The following TANGO6 variants were observed in gnomAD, a reference collection of about 807,000 sequenced individuals.
The protein encoded by TANGO6 is transport and golgi organization 6 homolog, also known as transport and Golgi organization protein 6 homolog.
A neutral mutation model predicts 114.2 loss-of-function variants in TANGO6; 90 were observed. That is an observed-to-expected ratio of 0.79 (90% CI 0.66 to 0.94). The LOEUF (loss-of-function observed/expected upper bound fraction) is 0.94. Among genes scored for constraint, TANGO6 ranks in the 40% least tolerant of loss-of-function variants. The probability of loss-of-function intolerance (pLI) is 0.00; values close to 1 mark genes in which losing one functional copy is unlikely to be tolerated. For missense variants in TANGO6, 1,274 were observed against 1,315.3 expected, an observed-to-expected ratio of 0.97 and a Z score of 0.49; for synonymous variants, 477 against 509.8, an observed-to-expected ratio of 0.94 and a Z score of 0.87.
Position 68,857,543 on chromosome 16 carries a change from C to A in TANGO6, c.95-2341C>A, listed in dbSNP as rs905897541. 4.6e-5 allele frequency among the ~76,000 whole-genome samples: 7 copies of A among 151,980 alleles called. No individual in the cohort carries two copies. In the South Asian group the frequency reaches 1.5e-3, roughly 32 times the overall value. ...AGTTTTCAACTCATTTGGATAAATACCCAGGAGCACAATTGCTGGATCGTA... is the reference window on the plus strand; with the variant it reads ...AGTTTTCAACTCATTTGGATAAATAACCAGGAGCACAATTGCTGGATCGTA... On this transcript the variant is annotated intron_variant, in intron 1 of 17. Coordinates refer to ENST00000261778, the MANE Select transcript of TANGO6 (RefSeq NM_024562.2).
At chr16:69,040,262 G>T (rs1378806162) in intron 16 of TANGO6, 46 bp from the exon 17 acceptor site, 4 of 1,494,676 alleles carry the variant, frequency 2.7e-6, no homozygotes, top group African/African-American at 2.8e-5. Flanking sequence ...ATAGGTAATT[G>T]TGCAACTCTG....
chr16:69,048,106 A>G (rs1444626903), intron 17 of TANGO6, among the ~76,000 whole-genome samples: 2 of 151,970 alleles, frequency 1.3e-5, no homozygotes. Flanking sequence ...TTTATAAGAC[A>G]GAGTCTTGCT....
chr16:68,843,800 C>A (rs16958412), intron 1 of TANGO6, 89 bp downstream of exon 1: 4 of 1,296,152 alleles, frequency 3.1e-6, no homozygotes, highest in Non-Finnish European at 1.1e-6. Flanking sequence ...GCAGCGTGCG[C>A]CCCTTAGGCC....
intron 11 of TANGO6, among the ~76,000 whole-genome samples, chr16:68,914,353 T>G (rs8056017): frequency 0.2 from 29,842 of 151,870 alleles, 3,320 homozygotes; most frequent in African/African-American, 0.31. Flanking sequence ...GTAGAGATGG[T>G]GTTTCTCCAT....
intron 16 of TANGO6, among the ~76,000 whole-genome samples, chr16:69,031,954 C>T (rs535435452): frequency 2.6e-5 from 4 of 151,866 alleles, no homozygotes; most frequent in East Asian, 2.0e-4. Flanking sequence ...TGAGTCACTC[C>T]GCCCAGCTGA....
chr16:69,027,782 A>ATTT (rs34656903), intron 16 of TANGO6, among the ~76,000 whole-genome samples: 2 of 139,826 alleles, frequency 1.4e-5, no homozygotes, highest in Non-Finnish European at 3.1e-5. Flanking sequence ...ACCAAACCCA[A>ATTT]TTTTTTTTTT....
At chr16:68,972,474 T>C (rs1250989761) in intron 14 of TANGO6, among the ~76,000 whole-genome samples, 1 of 152,212 alleles carries the variant, frequency 6.6e-6, no homozygotes, top group East Asian at 1.9e-4. Flanking sequence ...TATAGATTTC[T>C]CAAGCATTTA....
intron 11 of TANGO6, among the ~76,000 whole-genome samples, chr16:68,911,666 C>T (rs1431772257): frequency 6.6e-6 from 1 of 152,086 alleles, no homozygotes; most frequent in Non-Finnish European, 1.5e-5. Flanking sequence ...ATCCACCTGT[C>T]TCGGCCCAAA....
chr16:69,063,789 T>TCTG (rs1555530159), intron 17 of TANGO6, among the ~76,000 whole-genome samples: 1 of 114,768 alleles, frequency 8.7e-6, no homozygotes, highest in Non-Finnish European at 1.7e-5. Context: ...CTTTTCTTCT[T>TCTG]CTTCTTCTTC....
intron 7 of TANGO6, among the ~76,000 whole-genome samples, chr16:68,896,262 C>T (rs1962702629): frequency 1.3e-5 from 2 of 152,146 alleles, no homozygotes; most frequent in African/African-American, 4.8e-5. Context: ...CCTCCTGAGC[C>T]TCCCAAAGTG....
intron 14 of TANGO6, among the ~76,000 whole-genome samples, chr16:68,960,297 C>CT (rs201075757): frequency 0.029 from 3,898 of 134,712 alleles, 203 homozygotes; most frequent in African/African-American, 0.098. Flanking sequence ...ATTAGGGCAG[C>CT]TTTTTTTTTT....
At chr16:68,901,100 C>T (rs1034873735) in intron 8 of TANGO6, among the ~76,000 whole-genome samples, 2 of 152,152 alleles carry the variant, frequency 1.3e-5, no homozygotes, top group Non-Finnish European at 2.9e-5. Flanking sequence ...GTTGTTTCTT[C>T]CTCCAGGTAA....
At chr16:68,943,610 C>T (rs1012085734) in intron 14 of TANGO6, among the ~76,000 whole-genome samples, 2 of 152,030 alleles carry the variant, frequency 1.3e-5, no homozygotes, top group Non-Finnish European at 1.5e-5. Context: ...CGTGATCTGC[C>T]CTCCTTGGCC....
chr16:69,076,841 A>T (rs1960387059), intron 17 of TANGO6, among the ~76,000 whole-genome samples: 1 of 152,100 alleles, frequency 6.6e-6, no homozygotes, highest in African/African-American at 2.4e-5. Context: ...CTCCACTGAC[A>T]TTCACGCTCC....
At chr16:68,945,127 C>T (rs1001538302) in intron 14 of TANGO6, among the ~76,000 whole-genome samples, 6 of 151,992 alleles carry the variant, frequency 3.9e-5, no homozygotes, top group South Asian at 2.1e-4. Flanking sequence ...GGTGACAGGG[C>T]GAGACTCTGT....
chr16:68,853,190 A>G (rs1961933119), intron 1 of TANGO6, among the ~76,000 whole-genome samples: 2 of 151,842 alleles, frequency 1.3e-5, no homozygotes, highest in African/African-American at 4.8e-5. Context: ...AGGCATGAGA[A>G]TCACTTGAAC....
intron 9 of TANGO6, among the ~76,000 whole-genome samples, chr16:68,904,566 T>A (rs536352083): frequency 6.6e-6 from 1 of 152,214 alleles, no homozygotes; most frequent in South Asian, 2.1e-4. Flanking sequence ...AAATTAGTAA[T>A]TGTACTTTTC....
chr16:68,857,768 A>G (rs1273496684), intron 1 of TANGO6, among the ~76,000 whole-genome samples: 2 of 152,184 alleles, frequency 1.3e-5, no homozygotes, highest in African/African-American at 4.8e-5. Flanking sequence ...CCCTAATGAC[A>G]TATGATATTG....
chr16:68,966,896 C>G (rs745324733), intron 14 of TANGO6, among the ~76,000 whole-genome samples: 1 of 151,918 alleles, frequency 6.6e-6, no homozygotes, highest in Non-Finnish European at 1.5e-5. Context: ...CTCAGCCTCC[C>G]AAGTAGCTGG....
Sources: gnomAD v4.1 joint callset for allele counts (sites outside exome capture counted in the v4.1 genomes callset) on GRCh38, gnomAD v4.1.1 for gene constraint, MANE v1.5 for transcripts, NCBI Gene and HGNC (gene_info 2026-07-23, HGNC 2026-07-21) for gene names.